Variants in RNF145 observed in about 807,000 individuals in gnomAD.
RNF145 encodes the protein ring finger protein 145.
In RNF145, 12 loss-of-function variants were observed where a neutral mutation model predicts 57.3. The ratio of observed to expected loss-of-function variants is 0.21; its 90% confidence interval spans 0.13 to 0.34. RNF145 has a LOEUF of 0.34. Among genes scored for constraint, RNF145 ranks in the 10% least tolerant of loss-of-function variants. RNF145 has a pLI of 1.00. For synonymous variants in RNF145, 262 were observed against 288.3 expected (o/e 0.91, Z 0.92); for missense variants, 429 against 799.0 (o/e 0.54, Z 5.58).
At chr5:159,172,391 G>A (rs900011192) in intron 6 of RNF145, among the ~76,000 whole-genome samples, 1 of 151,988 alleles carries the variant, frequency 6.6e-6, no homozygotes, top group Non-Finnish European at 1.5e-5. Context: ...TGAGGCAGGA[G>A]AATTGCTGGA....
At chr5:159,160,658 T>C (rs1029431246) in intron 10 of RNF145, among the ~76,000 whole-genome samples, 2 of 152,214 alleles carry the variant, frequency 1.3e-5, no homozygotes, top group African/African-American at 4.8e-5. Flanking sequence ...ATTTAAGTAC[T>C]ACCTTTAATT....
intron 2 of RNF145, among the ~76,000 whole-genome samples, chr5:159,196,605 A>G (rs1408235491): frequency 1.3e-5 from 2 of 152,224 alleles, no homozygotes; most frequent in Non-Finnish European, 2.9e-5. Flanking sequence ...GCTTGGGACT[A>G]AAGAAACAGA....
At chr5:159,207,641 C>A in intron 1 of RNF145, 10 of 1,607,746 alleles carry the variant, frequency 6.2e-6, no homozygotes, top group Non-Finnish European at 8.5e-6. Context: ...AAGTAAAAGC[C>A]CAGAACTGAG....
chr5:159,183,097 GAATT>G (rs999912519), intron 3 of RNF145, among the ~76,000 whole-genome samples: 2 of 152,106 alleles, frequency 1.3e-5, no homozygotes, highest in Non-Finnish European at 2.9e-5. Context: ...ATTGTTAAAA[GAATT>G]AAAACAGTTT....
intron 9 of RNF145, among the ~76,000 whole-genome samples, chr5:159,162,685 C>T (rs1440998286): frequency 2.6e-5 from 4 of 151,966 alleles, no homozygotes; most frequent in African/African-American, 7.3e-5. Flanking sequence ...CCACCCGCCT[C>T]GGCCTCCCAA....
chr5:159,159,575 A>G (rs1190691815), intron 10 of RNF145, among the ~76,000 whole-genome samples: 1 of 152,224 alleles, frequency 6.6e-6, no homozygotes, highest in Non-Finnish European at 1.5e-5. Context: ...TTTGGTCTAT[A>G]TAAGCCAGTG....
At position 159,203,417 on chromosome 5, in the gene RNF145, G is replaced by A. The variant is rs1169856299; in HGVS notation, c.184+17C>T. The A allele has an allele frequency of 1.3e-6, 2 of 1,492,646 alleles. No individual in the cohort carries two copies. The highest frequency in any genetic ancestry group is 1.7e-5 in the Admixed American group (1 of 59,478). 92.5% of individuals were successfully genotyped at this position (1,492,646 alleles called of 1,614,324 possible). On this transcript the variant is annotated intron_variant, in intron 2 of 10. Transcript: ENST00000424310. ...AATGCTCACTAGAAGATTAGAAAAT[G>A]TGATGTAGACACTCACCTACATAAT...
chr5:159,209,516 G>A lies in RNF145; in HGVS notation c.-325C>T, dbSNP rs1308800799. 7.1e-6 allele frequency: 7 copies of A among 981,772 alleles called. No homozygotes were observed. Among genetic ancestry groups the A allele is most frequent in the African/African-American group, 1.8e-5 (1 of 56,968 alleles). The allele number at this position is 981,772 out of a possible 1,614,324, so 60.8% of individuals were successfully genotyped here. ...GCCGGCGCCGGCGTCGGCGGCCATG[G>A]CCTCCTGCGTTTGCTCCTCCCGCCC... is the stretch of plus-strand genomic sequence containing the variant. On this transcript the variant is annotated 5_prime_UTR_variant, in exon 1 of 11. Transcript: ENST00000424310.
At chr5:159,161,065 C>A in intron 10 of RNF145, 1 of 513,748 alleles carries the variant, frequency 1.9e-6, no homozygotes, top group Non-Finnish European at 3.4e-6. Flanking sequence ...CATTAGAACC[C>A]AAGGGACTAA....
At chr5:159,166,188 C>A (rs2113097615) in intron 8 of RNF145, among the ~76,000 whole-genome samples, 1 of 152,250 alleles carries the variant, frequency 6.6e-6, no homozygotes, top group South Asian at 2.1e-4. Flanking sequence ...ATGAATGATG[C>A]TGAACTTCTC....
At chr5:159,161,210 G>T in intron 10 of RNF145, 56 bp downstream of exon 10, 2 of 1,137,226 alleles carry the variant, frequency 1.8e-6, no homozygotes, top group Non-Finnish European at 2.5e-6. Flanking sequence ...TATGGTTACA[G>T]TCCCAAGGGA....
intron 8 of RNF145, among the ~76,000 whole-genome samples, chr5:159,164,840 A>T (rs1784341351): frequency 1.3e-5 from 2 of 152,222 alleles, no homozygotes; most frequent in Admixed American, 1.3e-4. Flanking sequence ...TATGGCTAAA[A>T]CTAACTCACA....
intron 1 of RNF145, among the ~76,000 whole-genome samples, chr5:159,208,478 A>AG (rs895264094): frequency 4.1e-4 from 62 of 152,256 alleles, no homozygotes; most frequent in African/African-American, 1.4e-3. Context: ...AGAAGACAGA[A>AG]GGGATGGCAA....
intron 3 of RNF145, among the ~76,000 whole-genome samples, chr5:159,186,407 C>T (rs1367700494): frequency 1.3e-5 from 2 of 152,228 alleles, no homozygotes; most frequent in Admixed American, 6.5e-5. Context: ...CGACCTGACT[C>T]AGACACTGGA....
intron 9 of RNF145, among the ~76,000 whole-genome samples, chr5:159,162,579 C>A (rs1222918864): frequency 1.3e-5 from 2 of 151,442 alleles, no homozygotes; most frequent in Non-Finnish European, 2.9e-5. Context: ...GGACTACAGG[C>A]GCCCGCCACC....
chr5:159,186,944 T>C lies in RNF145; in HGVS notation c.294-4893A>G, dbSNP rs185800993. Among the ~76,000 whole-genome samples, 407 of 151,482 alleles carry C rather than the reference T, an allele frequency of 2.7e-3. 3 individuals carry two copies. The highest frequency in any genetic ancestry group is 9.4e-3 in the African/African-American group (387 of 41,256). On this transcript the variant is annotated intron_variant, in intron 3 of 10. Transcript: ENST00000424310. Reference sequence around the variant, plus strand: ...GTTGCAGTGAGCCAAGATTGCACCATTGCACTCCAGCCTGGGCAACAGAGC... The same window carrying C: ...GTTGCAGTGAGCCAAGATTGCACCACTGCACTCCAGCCTGGGCAACAGAGC...
chr5:159,207,412 A>C (rs1785930513), intron 1 of RNF145: 4 of 1,078,466 alleles, frequency 3.7e-6, no homozygotes, highest in Non-Finnish European at 4.0e-6. Flanking sequence ...CCAACTTAAA[A>C]CTATTCAGTA....
chr5:159,177,452 C>T (rs574721798), intron 4 of RNF145, among the ~76,000 whole-genome samples: 1 of 152,010 alleles, frequency 6.6e-6, no homozygotes, highest in Non-Finnish European at 1.5e-5. Context: ...CACAGAAATA[C>T]AAAGAACAAA....
intron 5 of RNF145, among the ~76,000 whole-genome samples, chr5:159,175,110 A>G (rs1334696963): frequency 1.3e-5 from 2 of 152,208 alleles, no homozygotes; most frequent in African/African-American, 4.8e-5. Flanking sequence ...AGATTATTCT[A>G]AATTTAAAAT....
Sources: allele counts gnomAD v4.1 joint callset (sites outside exome capture counted in the v4.1 genomes callset), GRCh38; gene constraint gnomAD v4.1.1; transcripts MANE v1.5; gene names NCBI Gene and HGNC (gene_info 2026-07-23, HGNC 2026-07-21).